Variants in PRKCA observed in about 807,000 individuals in gnomAD.
PRKCA encodes protein kinase C alpha.
Under a neutral mutation model 87.0 loss-of-function variants are expected in PRKCA, and 27 were observed. The observed-to-expected ratio is 0.31, with a 90% confidence interval of 0.23 to 0.43. The LOEUF is 0.43. Among genes scored for constraint, PRKCA ranks in the 20% least tolerant of loss-of-function variants. The pLI is 1.00. For missense variants in PRKCA, 518 were observed against 852.3 expected, an observed-to-expected ratio of 0.61 and a Z score of 4.88; for synonymous variants, 329 against 311.1, an observed-to-expected ratio of 1.06 and a Z score of -0.61.
At chr17:66,525,886 C>T (rs1244787623) in intron 3 of PRKCA, among the ~76,000 whole-genome samples, 1 of 152,044 alleles carries the variant, frequency 6.6e-6, no homozygotes, top group Non-Finnish European at 1.5e-5. Context: ...TGGGAACATT[C>T]TGTGCACATA....
chr17:66,464,642 A>C (rs1257537258), intron 2 of PRKCA, among the ~76,000 whole-genome samples: 1 of 152,160 alleles, frequency 6.6e-6, no homozygotes, highest in African/African-American at 2.4e-5. Flanking sequence ...ATCTTTTCAC[A>C]TGCATATTTG....
chr17:66,732,324 A>T (rs1199570203), intron 8 of PRKCA, among the ~76,000 whole-genome samples: 1 of 152,178 alleles, frequency 6.6e-6, no homozygotes, highest in Non-Finnish European at 1.5e-5. Flanking sequence ...GCATCAGTAC[A>T]CAGTTTATTT....
intron 3 of PRKCA, among the ~76,000 whole-genome samples, chr17:66,639,854 G>A (rs1465198239): frequency 6.6e-6 from 1 of 152,044 alleles, no homozygotes; most frequent in Admixed American, 6.5e-5. Context: ...AAAAAATTAG[G>A]TGTGGTGGCA....
chr17:66,370,510 A>G (rs1219729154), intron 2 of PRKCA, among the ~76,000 whole-genome samples: 1 of 146,222 alleles, frequency 6.8e-6, no homozygotes, highest in Non-Finnish European at 1.5e-5. Context: ...TCTTCACAAT[A>G]GCGCTATAGA....
Position 66,807,724 on chromosome 17 carries a change from A to G in PRKCA, c.*3687A>G, listed in dbSNP as rs1389305141. The G allele has an allele frequency of 6.6e-6, 1 of 152,146 alleles. No homozygotes were observed. Among genetic ancestry groups the G allele is most frequent in the African/African-American group, 2.4e-5 (1 of 41,406 alleles). The allele number at this position is 152,146 out of a possible 1,614,324, so 9.4% of individuals were successfully genotyped here. A position where few individuals can be genotyped will look rare whatever the true frequency, so the allele number is the denominator to read the frequency against. On this transcript the variant is annotated 3_prime_UTR_variant, in exon 17 of 17. Transcript: ENST00000413366. The surrounding 1 kb of genome is among the most constrained non-coding windows in gnomAD (Gnocchi z 4.3). Reference sequence around the variant, plus strand: ...GCAGCCCAACAAATGATTGTTGAGCACCTCTCGGAGCCAAAGTCCTTAGGC... The same window carrying G: ...GCAGCCCAACAAATGATTGTTGAGCGCCTCTCGGAGCCAAAGTCCTTAGGC...
At chr17:66,782,752 C>T (rs1014154135) in intron 14 of PRKCA, among the ~76,000 whole-genome samples, 2 of 152,206 alleles carry the variant, frequency 1.3e-5, no homozygotes, top group Admixed American at 6.5e-5. Context: ...CTGGGTGGGG[C>T]TGTAGCCGAG....
At chr17:66,527,712 G>A (rs12939995) in intron 3 of PRKCA, among the ~76,000 whole-genome samples, 2,972 of 152,214 alleles carry the variant, frequency 0.02, 40 homozygotes, top group Middle Eastern at 0.048. Context: ...ACTTTTTAAG[G>A]ACTAAAATCA....
chr17:66,731,251 G>A (rs1268975075), intron 8 of PRKCA, among the ~76,000 whole-genome samples: 1 of 151,034 alleles, frequency 6.6e-6, no homozygotes, highest in Non-Finnish European at 1.5e-5. Flanking sequence ...GGCTGAGGCA[G>A]GAGAATCGCT....
In PRKCA at chr17:66,535,985, T is replaced by C. The variant is rs138373045; in HGVS notation, c.288+39702T>C. On this transcript the variant is annotated intron_variant, in intron 3 of 16. Transcript: ENST00000413366. ...TTCTTTCCCCTCCTTATTCTCCTGA[T>C]TATTAATTATTTGCCTGACTTTGGA... 5.5e-3 allele frequency among the ~76,000 whole-genome samples: 835 copies of C among 152,372 alleles called. 3 individuals are homozygous for C. The highest frequency in any genetic ancestry group is 0.014 in the African/African-American group (600 of 41,592).
intron 13 of PRKCA, among the ~76,000 whole-genome samples, chr17:66,753,008 A>T (rs1360869606): frequency 2.0e-5 from 3 of 152,234 alleles, no homozygotes; most frequent in Admixed American, 6.5e-5. Flanking sequence ...GGCTTTTCCT[A>T]AATCTTAATT....
At position 66,755,663 on chromosome 17, in the gene PRKCA, C is replaced by T. The variant is rs140058104; in HGVS notation, c.1524+12903C>T. 3.8e-3 allele frequency among the ~76,000 whole-genome samples: 584 copies of T among 152,304 alleles called. 5 individuals are homozygous for T. The highest frequency in any genetic ancestry group is 0.013 in the African/African-American group (546 of 41,538). ...AGGCACCTTGCAAGCCAGTATTGTACAGTTCTTTTCTGCACAGAAAAAGTA... is the reference window on the plus strand; with the variant it reads ...AGGCACCTTGCAAGCCAGTATTGTATAGTTCTTTTCTGCACAGAAAAAGTA... On this transcript the variant is annotated intron_variant, in intron 13 of 16. Transcript: ENST00000413366.
At chr17:66,637,228 C>T (rs759892102) in intron 3 of PRKCA, among the ~76,000 whole-genome samples, 1 of 152,138 alleles carries the variant, frequency 6.6e-6, no homozygotes, top group Non-Finnish European at 1.5e-5. Context: ...ATGACAACCA[C>T]CCTGGGGCTG....
intron 3 of PRKCA, among the ~76,000 whole-genome samples, chr17:66,602,176 C>G (rs1382518019): frequency 1.8e-4 from 6 of 34,010 alleles, no homozygotes; most frequent in South Asian, 8.4e-4. Context: ...GCCTCGTTGC[C>G]GCCTTGCAGT....
chr17:66,739,609 A>G (rs1455954883), intron 11 of PRKCA, among the ~76,000 whole-genome samples: 1 of 152,174 alleles, frequency 6.6e-6, no homozygotes, highest in Non-Finnish European at 1.5e-5. Flanking sequence ...GCCCCTAAAA[A>G]TCGGGGAGAG....
At chr17:66,354,980 C>G (rs78755215) in intron 2 of PRKCA, among the ~76,000 whole-genome samples, 2,467 of 152,206 alleles carry the variant, frequency 0.016, 71 homozygotes, top group African/African-American at 0.056. Flanking sequence ...TCCTATACAT[C>G]GTTACATTTT....
chr17:66,612,899 G>T (rs1292712471), intron 3 of PRKCA, among the ~76,000 whole-genome samples: 1 of 152,088 alleles, frequency 6.6e-6, no homozygotes, highest in Non-Finnish European at 1.5e-5. Flanking sequence ...CTCCATCACA[G>T]ATTTGTCAAA....
rs778507190 is a variant in PRKCA, at chr17:66,671,209, C to CAAAAAAAAAA, written c.530-15887_530-15878dup. Among the ~76,000 whole-genome samples, 86 of 48,434 alleles carry CAAAAAAAAAA rather than the reference C, an allele frequency of 1.8e-3. 5 individuals carry two copies. The highest frequency in any genetic ancestry group is 7.4e-3 in the African/African-American group (81 of 11,012). 31.8% of individuals were successfully genotyped at this position (48,434 alleles called of 152,430 possible). On this transcript the variant is annotated intron_variant, in intron 5 of 16. Transcript: ENST00000413366. ...CCAGGAGACAGTGGGAGACTCATCT[C>CAAAAAAAAAA]AAAAAAAAAAAAAAAAAAAAAAAAG...
intron 8 of PRKCA, among the ~76,000 whole-genome samples, chr17:66,716,621 C>T (rs972029039): frequency 1.3e-5 from 2 of 152,052 alleles, no homozygotes; most frequent in African/African-American, 2.4e-5. Context: ...CCAAGATTAG[C>T]GATCCTAACA....
At chr17:66,433,631 GC>G (rs1913217010) in intron 2 of PRKCA, among the ~76,000 whole-genome samples, 1 of 152,082 alleles carries the variant, frequency 6.6e-6, no homozygotes, top group Admixed American at 6.5e-5. Flanking sequence ...TGCAACCTCT[GC>G]CTCCCGGGTT....
Sources: allele counts gnomAD v4.1 joint callset (sites outside exome capture counted in the v4.1 genomes callset), GRCh38; gene constraint gnomAD v4.1.1; non-coding constraint Gnocchi (gnomAD v3.1); transcripts MANE v1.5; gene names NCBI Gene and HGNC (gene_info 2026-07-23, HGNC 2026-07-21).